The following SLC25A26 variants were observed in gnomAD, a reference collection of about 807,000 sequenced individuals.
SLC25A26 encodes the protein mitochondrial S-adenosylmethionine carrier protein.
In SLC25A26, 36 loss-of-function variants were observed where a neutral mutation model predicts 37.8. The observed-to-expected ratio is 0.95, with a 90% CI of 0.73 to 1.26. SLC25A26 has a LOEUF of 1.26. Among genes scored for constraint, SLC25A26 ranks in the 50% most tolerant of loss-of-function variants. The probability of loss-of-function intolerance (pLI) is 0.00; values close to 1 mark genes in which losing one functional copy is unlikely to be tolerated. For missense variants in SLC25A26, 390 were observed against 331.1 expected, an observed-to-expected ratio of 1.18 and a Z score of -1.38; for synonymous variants, 129 against 122.5, an observed-to-expected ratio of 1.05 and a Z score of -0.35.
intron 1 of SLC25A26, among the ~76,000 whole-genome samples, chr3:66,160,640 T>C (rs2070344538): frequency 6.6e-6 from 1 of 152,194 alleles, no homozygotes; most frequent in African/African-American, 2.4e-5. Context: ...TGAAAATTAC[T>C]AGTAATTAAA....
intron 1 of SLC25A26, among the ~76,000 whole-genome samples, chr3:66,179,841 T>G (rs941922098): frequency 1.7e-4 from 26 of 152,154 alleles, no homozygotes; most frequent in Non-Finnish European, 2.9e-4. Context: ...TTAATATACA[T>G]GCTGGGAGAC....
At chr3:66,322,402 T>G (rs1184903281) in intron 5 of SLC25A26, among the ~76,000 whole-genome samples, 1 of 152,238 alleles carries the variant, frequency 6.6e-6, no homozygotes, top group East Asian at 1.9e-4. Flanking sequence ...AAATAAAAAT[T>G]CGATCAGTGG....
At chr3:66,138,975 AGATT>A (rs1329179496) in intron 1 of SLC25A26, among the ~76,000 whole-genome samples, 1 of 152,170 alleles carries the variant, frequency 6.6e-6, no homozygotes, top group African/African-American at 2.4e-5. Context: ...TAACAGGAGT[AGATT>A]GATTGATTAC....
At chr3:66,358,862 G>A (rs1039610851) in intron 6 of SLC25A26, among the ~76,000 whole-genome samples, 2 of 152,210 alleles carry the variant, frequency 1.3e-5, no homozygotes, top group Non-Finnish European at 2.9e-5. Context: ...ATGAGCTGAT[G>A]TATGTAAAGT....
intron 5 of SLC25A26, among the ~76,000 whole-genome samples, chr3:66,335,739 C>G (rs2076080056): frequency 6.6e-6 from 1 of 152,172 alleles, no homozygotes; most frequent in Admixed American, 6.5e-5. Context: ...TTACTGTCTT[C>G]TCTTCTATTC....
rs114041944 is a variant in SLC25A26, at chr3:66,315,386, A to G, written c.454-30978A>G. ...GCCTTAATTTCATCATTTAGCCAGT[A>G]GTCTCAGAAGCAGGTTGTTCAATTT... On this transcript the variant is annotated intron_variant, in intron 5 of 9. Transcript: ENST00000354883. Among the ~76,000 whole-genome samples, 743 of 152,292 alleles carry G rather than the reference A, an allele frequency of 4.9e-3. 11 individuals carry two copies. The highest frequency in any genetic ancestry group is 0.013 in the African/African-American group (545 of 41,564).
At chr3:66,286,275 A>G (rs541666878) in intron 5 of SLC25A26, among the ~76,000 whole-genome samples, 11 of 152,292 alleles carry the variant, frequency 7.2e-5, no homozygotes, top group African/African-American at 2.2e-4. Flanking sequence ...GCCTAACTCT[A>G]AGTCATTAAG....
intron 5 of SLC25A26, among the ~76,000 whole-genome samples, chr3:66,268,416 T>G (rs1330519329): frequency 3.3e-5 from 5 of 152,222 alleles, no homozygotes; most frequent in Non-Finnish European, 4.4e-5. Flanking sequence ...ACTAGCAGTC[T>G]TAAAGACAAA....
chr3:66,361,519 T>TATGTA (rs1181121978), intron 6 of SLC25A26, among the ~76,000 whole-genome samples: 1 of 152,218 alleles, frequency 6.6e-6, no homozygotes, highest in Non-Finnish European at 1.5e-5. Flanking sequence ...ATGTCTAGAA[T>TATGTA]ATGTAAAGAA....
chr3:66,254,901 A>G (rs1320581460), intron 3 of SLC25A26, among the ~76,000 whole-genome samples: 1 of 152,224 alleles, frequency 6.6e-6, no homozygotes, highest in Non-Finnish European at 1.5e-5. Context: ...AATAAAAGGT[A>G]TTATTGGGGA....
chr3:66,311,272 T>A (rs2075368842), intron 5 of SLC25A26, among the ~76,000 whole-genome samples: 1 of 152,176 alleles, frequency 6.6e-6, no homozygotes, highest in South Asian at 2.1e-4. Context: ...TTCTTCTGCT[T>A]GATCGATTCG....
chr3:66,276,396 C>T (rs1173933447), intron 5 of SLC25A26, among the ~76,000 whole-genome samples: 1 of 151,940 alleles, frequency 6.6e-6, no homozygotes, highest in Admixed American at 6.6e-5. Context: ...TTCAGTAAAT[C>T]CTAAGAAAAT....
intron 6 of SLC25A26, among the ~76,000 whole-genome samples, chr3:66,362,169 T>C (rs2076723211): frequency 6.6e-6 from 1 of 152,182 alleles, no homozygotes; most frequent in Admixed American, 6.5e-5. Flanking sequence ...CCATGTGATC[T>C]AGTGATTTCA....
At chr3:66,377,658 C>T (rs767671911) in intron 9 of SLC25A26, 32 bp from the exon 10 acceptor site, 1 of 1,540,500 alleles carries the variant, frequency 6.5e-7, no homozygotes, top group Non-Finnish European at 9.0e-7. Context: ...TTAAAATACG[C>T]ACAACATTAA....
intron 1 of SLC25A26, among the ~76,000 whole-genome samples, chr3:66,202,531 G>GAAAAA (rs1177179044): frequency 1.2e-5 from 1 of 86,512 alleles, no homozygotes. Context: ...AAAGTAAAAT[G>GAAAAA]AAAAAAAAAA....
chr3:66,146,225 A>C (rs975258949), intron 1 of SLC25A26, among the ~76,000 whole-genome samples: 1 of 152,044 alleles, frequency 6.6e-6, no homozygotes, highest in Non-Finnish European at 1.5e-5. Context: ...CTGTAACCTC[A>C]GCTACTTGGG....
intron 1 of SLC25A26, among the ~76,000 whole-genome samples, chr3:66,210,701 A>G (rs1203780291): frequency 4.6e-5 from 7 of 152,236 alleles, no homozygotes; most frequent in East Asian, 1.9e-4. Flanking sequence ...ATTTGTAAAG[A>G]TGGGCTTTTG....
chr3:66,328,444 T>C (rs1371961473), intron 5 of SLC25A26, among the ~76,000 whole-genome samples: 1 of 152,188 alleles, frequency 6.6e-6, no homozygotes, highest in Non-Finnish European at 1.5e-5. Flanking sequence ...GGAGATCAGC[T>C]GTGGACTCTA....
rs148009457 is a variant in SLC25A26, at chr3:66,272,039, T to G, written c.453+8660T>G. Among the ~76,000 whole-genome samples the G allele has an allele frequency of 5.0e-3, 767 of 152,322 alleles. 2 individuals are homozygous for G. The highest frequency in any genetic ancestry group is 6.2e-3 in the Non-Finnish European group (422 of 68,020). ...TTAAAATCTGAGAATACTTCTTATA[T>G]TGATATATTCATATGTAAACACCTA... On this transcript the variant is annotated intron_variant, in intron 5 of 9. Transcript: ENST00000354883.
Sources: gnomAD v4.1 joint callset for allele counts (sites outside exome capture counted in the v4.1 genomes callset) on GRCh38, gnomAD v4.1.1 for gene constraint, MANE v1.5 for transcripts, NCBI Gene and HGNC (gene_info 2026-07-23, HGNC 2026-07-21) for gene names.